The following ASMTL variants were observed in gnomAD, a reference collection of about 807,000 sequenced individuals.
ASMTL encodes the protein acetylserotonin O-methyltransferase like.
Under a neutral mutation model 60.3 loss-of-function variants are expected in ASMTL, and 57 were observed. That is an observed-to-expected ratio of 0.95 (90% CI 0.76 to 1.18). The LOEUF (loss-of-function observed/expected upper bound fraction) is 1.18, where lower values mean the gene tolerates loss of function less well. Among genes scored for constraint, ASMTL ranks in the 50% most tolerant of loss-of-function variants. The pLI is 0.00. For synonymous variants in ASMTL, 419 were observed against 373.0 expected (o/e 1.12, Z -1.42); for missense variants, 981 against 852.6 (o/e 1.15, Z -1.88).
At chrX:1,429,562 CT>C (rs1385471485) in intron 6 of ASMTL, among the ~76,000 whole-genome samples, 1 of 151,956 alleles carries the variant, frequency 6.6e-6, no homozygotes, top group East Asian at 1.9e-4. Flanking sequence ...CTTCGGGAGG[CT>C]GAGGCAGGCA....
chrX:1,412,149 C>A, intron 12 of ASMTL, among the ~76,000 whole-genome samples: 1 of 151,912 alleles, frequency 6.6e-6, no homozygotes, highest in East Asian at 1.9e-4. Flanking sequence ...GCAGATTTAC[C>A]CTCCACAATT....
chrX:1,406,100 A>G (rs1243945370), intron 12 of ASMTL, among the ~76,000 whole-genome samples: 1 of 148,684 alleles, frequency 6.7e-6, no homozygotes, highest in Non-Finnish European at 1.5e-5. Flanking sequence ...GGGTGAATAA[A>G]TGGGTAGGTA....
chrX:1,411,806 CTTTTTT>C (rs756437483), intron 12 of ASMTL, among the ~76,000 whole-genome samples: 1,894 of 86,234 alleles, frequency 0.022, 30 homozygotes, highest in African/African-American at 0.078. Context: ...TTAGGATTTT[CTTTTTT>C]TTTTTTTTTT....
rs189442153 is a variant in ASMTL, at chrX:1,426,112, A to G, written c.898-425T>C. On this transcript the variant is annotated intron_variant, in intron 7 of 12. Transcript: ENST00000381317. The stretch of plus-strand genomic sequence containing the variant: ...CCCTATAAGAAAAGGAGATGAGGAC[A>G]CAGACACACACACAGGGACGACCCT... Among the ~76,000 whole-genome samples, 17 of 152,176 alleles carry G rather than the reference A, an allele frequency of 1.1e-4. No individual in the cohort carries two copies. In the East Asian group the frequency reaches 3.3e-3, roughly 29 times the overall value.
intron 11 of ASMTL, among the ~76,000 whole-genome samples, chrX:1,414,946 T>G (rs111350197): frequency 2.0e-5 from 3 of 151,624 alleles, no homozygotes; most frequent in African/African-American, 7.3e-5. Context: ...TTTTTTATTT[T>G]TTTATTTTTT....
chrX:1,451,637 C>A (rs1261246813), intron 1 of ASMTL, among the ~76,000 whole-genome samples: 1 of 147,986 alleles, frequency 6.8e-6, no homozygotes, highest in Non-Finnish European at 1.5e-5. Flanking sequence ...CACCCCCATC[C>A]CTAGGGGGGT....
intron 8 of ASMTL, 97 bp from the exon 9 acceptor site, chrX:1,421,939 A>G: frequency 8.7e-7 from 1 of 1,146,908 alleles, no homozygotes; most frequent in Non-Finnish European, 1.3e-6. Context: ...AATAAACATC[A>G]CCCATCTGAC....
intron 12 of ASMTL, among the ~76,000 whole-genome samples, chrX:1,407,104 G>A (rs1217526084): frequency 2.7e-5 from 4 of 147,230 alleles, no homozygotes; most frequent in African/African-American, 7.9e-5. Flanking sequence ...GATGGTAGAT[G>A]ATGGGTAGAT....
Position 1,435,047 on chromosome X carries a change from G to T in ASMTL, c.375C>A (p.Val125=), listed in dbSNP as rs199594551. The change falls in exon 5 of 13, where the codon GTC becomes GTA. Residue 125 remains valine (V), a synonymous_variant. Transcript: ENST00000381317. ...CTTTGCTGGAGCAGTGGACGATCGC[G>T]ACACCTGTGAACACGCTGTGTTCTC... is the stretch of plus-strand genomic sequence containing the variant. ...SGREHSVFTG[V]AIVHCSSKDH... The T allele has an allele frequency of 3.1e-6, 5 of 1,609,602 alleles. No homozygotes were observed. The highest frequency in any genetic ancestry group is 1.7e-4 in the Middle Eastern group (1 of 6,010).
At chrX:1,414,363 C>G (rs1229935240) in intron 11 of ASMTL, among the ~76,000 whole-genome samples, 19 of 152,132 alleles carry the variant, frequency 1.2e-4, no homozygotes, top group African/African-American at 4.6e-4. Flanking sequence ...TGGGAAGTCT[C>G]CAGAGCTGTT....
At chrX:1,404,827 T>C (rs1416927557) in intron 12 of ASMTL, among the ~76,000 whole-genome samples, 4 of 150,936 alleles carry the variant, frequency 2.7e-5, no homozygotes, top group Admixed American at 2.6e-4. Flanking sequence ...GGTGAATAGA[T>C]GGTAGCTGAT....
chrX:1,422,715 A>T (rs766714538), intron 8 of ASMTL, among the ~76,000 whole-genome samples: 4 of 152,254 alleles, frequency 2.6e-5, no homozygotes, highest in South Asian at 4.1e-4. Context: ...ATGAAATGTT[A>T]CTGTTTTCCC....
intron 8 of ASMTL, among the ~76,000 whole-genome samples, chrX:1,424,856 A>ACCCT (rs2090572498): frequency 1.1e-5 from 1 of 94,352 alleles, no homozygotes; most frequent in Non-Finnish European, 2.2e-5. Context: ...CTATCCATCC[A>ACCCT]CCCACCCACC....
Position 1,427,860 on chromosome X carries a change from A to G in ASMTL, c.771T>C (p.Asp257=). The change falls in exon 7 of 13, where the codon GAT becomes GAC. Residue 257 remains aspartate, a synonymous_variant. Transcript: ENST00000381317. Reference sequence around the variant, plus strand: ...CCGCCTCTCCCGCCTCGGCCTTCTCATCGCGGCTGCCCGCGTCCCTCTGAG... The same window carrying G: ...CCGCCTCTCCCGCCTCGGCCTTCTCGTCGCGGCTGCCCGCGTCCCTCTGAG... The part of the protein sequence containing the change: ...EPTQRDAGSR[D]EKAEAGEAGQ... 1 of 1,613,212 alleles carries G rather than the reference A, an allele frequency of 6.2e-7. No individual in the cohort carries two copies. Among genetic ancestry groups the G allele is most frequent in the Non-Finnish European group, 8.5e-7 (1 of 1,179,748 alleles).
intron 3 of ASMTL, among the ~76,000 whole-genome samples, chrX:1,436,028 C>G (rs1285328381): frequency 2.0e-5 from 3 of 152,168 alleles, no homozygotes; most frequent in Admixed American, 2.0e-4. Flanking sequence ...GGTAACCGCC[C>G]ATCCTCTTTC....
intron 1 of ASMTL, among the ~76,000 whole-genome samples, chrX:1,451,253 G>GA (rs2091373897): frequency 7.2e-6 from 1 of 138,030 alleles, no homozygotes; most frequent in Non-Finnish European, 1.6e-5. Flanking sequence ...TGCCTAGGGC[G>GA]TCCTGGGTTA....
intron 1 of ASMTL, among the ~76,000 whole-genome samples, chrX:1,442,917 G>A (rs2091137856): frequency 6.6e-6 from 1 of 152,196 alleles, no homozygotes; most frequent in African/African-American, 2.4e-5. Flanking sequence ...GCCCCTGGCT[G>A]CCACACCCTG....
intron 9 of ASMTL, among the ~76,000 whole-genome samples, chrX:1,420,956 GTTAAT>G (rs1175647209): frequency 1.1e-5 from 1 of 90,314 alleles, no homozygotes; most frequent in African/African-American, 3.9e-5. Flanking sequence ...CTGGCTAATC[GTTAAT>G]TTTTTTTTTT....
chrX:1,420,222 CTA>C (rs1342787574), intron 9 of ASMTL, among the ~76,000 whole-genome samples: 1 of 151,718 alleles, frequency 6.6e-6, no homozygotes, highest in Non-Finnish European at 1.5e-5. Flanking sequence ...ATCTCTCTCC[CTA>C]TCTCACTATC....
Sources: allele counts gnomAD v4.1 joint callset (sites outside exome capture counted in the v4.1 genomes callset), GRCh38; gene constraint gnomAD v4.1.1; transcripts MANE v1.5; gene names NCBI Gene and HGNC (gene_info 2026-07-23, HGNC 2026-07-21).